The following CCDC178 variants were observed in gnomAD, a reference collection of about 807,000 sequenced individuals.
CCDC178 encodes coiled-coil domain-containing protein 178.
Under a neutral mutation model 117.4 loss-of-function variants are expected in CCDC178, and 126 were observed. That is an observed-to-expected ratio of 1.07 (90% CI 0.93 to 1.24). CCDC178 has a LOEUF of 1.24. Ranked by LOEUF, CCDC178 falls within the 50% of genes most tolerant of loss-of-function variation. The probability of loss-of-function intolerance (pLI) is 0.00; values close to 1 mark genes in which losing one functional copy is unlikely to be tolerated. For synonymous variants in CCDC178, 283 were observed against 313.4 expected (o/e 0.90, Z 1.02); for missense variants, 1,030 against 986.9 (o/e 1.04, Z -0.59).
intron 20 of CCDC178, among the ~76,000 whole-genome samples, chr18:33,160,146 T>C (rs994424741): frequency 2.0e-5 from 3 of 152,132 alleles, no homozygotes; most frequent in Admixed American, 6.5e-5. Flanking sequence ...ATTGAGTTTC[T>C]GCTTCAATGA....
At chr18:32,978,995 C>T (rs2055086502) in intron 21 of CCDC178, among the ~76,000 whole-genome samples, 1 of 150,556 alleles carries the variant, frequency 6.6e-6, no homozygotes, top group African/African-American at 2.4e-5. Context: ...AGAGATCGCG[C>T]CATTCCTCTC....
At chr18:33,414,431 C>G (rs28613952) in intron 2 of CCDC178, among the ~76,000 whole-genome samples, 90,359 of 151,940 alleles carry the variant, frequency 0.59, 27,990 homozygotes, top group East Asian at 0.8. Context: ...ACAAACCTGA[C>G]AAAAACAAGA....
At chr18:33,257,915 C>T (rs1316916029) in intron 14 of CCDC178, among the ~76,000 whole-genome samples, 2 of 151,470 alleles carry the variant, frequency 1.3e-5, no homozygotes, top group African/African-American at 2.4e-5. Flanking sequence ...CTCCTCAAAT[C>T]CTCTTCATAC....
At chr18:33,072,401 A>G (rs1409389419) in intron 21 of CCDC178, among the ~76,000 whole-genome samples, 1 of 152,170 alleles carries the variant, frequency 6.6e-6, no homozygotes, top group Non-Finnish European at 1.5e-5. Context: ...TGGTCAAAAG[A>G]TATTTACAAA....
chr18:33,001,554 C>T (rs1037215265), intron 21 of CCDC178, among the ~76,000 whole-genome samples: 20 of 151,976 alleles, frequency 1.3e-4, no homozygotes, highest in Non-Finnish European at 2.1e-4. Flanking sequence ...AAAATTAAAA[C>T]ATACCACCAG....
chr18:33,227,514 G>T (rs2059316622), intron 15 of CCDC178, among the ~76,000 whole-genome samples: 1 of 145,390 alleles, frequency 6.9e-6, no homozygotes, highest in African/African-American at 2.5e-5. Flanking sequence ...ATGTCCTCCA[G>T]ATTCAAAAGA....
intron 20 of CCDC178, among the ~76,000 whole-genome samples, chr18:33,202,102 T>C (rs191594938): frequency 9.9e-5 from 15 of 152,028 alleles, no homozygotes; most frequent in Non-Finnish European, 1.8e-4. Flanking sequence ...TCCACTTAAA[T>C]AGTCTCTACT....
At chr18:33,127,742 T>C (rs761052287) in intron 20 of CCDC178, among the ~76,000 whole-genome samples, 3 of 152,072 alleles carry the variant, frequency 2.0e-5, no homozygotes, top group Non-Finnish European at 4.4e-5. Context: ...CCCTGATCAG[T>C]TGGTATTTTT....
intron 21 of CCDC178, among the ~76,000 whole-genome samples, chr18:33,043,923 T>TGCTA (rs1246768698): frequency 6.6e-6 from 1 of 151,806 alleles, no homozygotes; most frequent in Non-Finnish European, 1.5e-5. Context: ...CTAGATACTA[T>TGCTA]GCTAAAGAAG....
chr18:33,159,026 AT>A (rs2058433110), intron 20 of CCDC178, among the ~76,000 whole-genome samples: 1 of 152,114 alleles, frequency 6.6e-6, no homozygotes, highest in African/African-American at 2.4e-5. Flanking sequence ...AATACTATGC[AT>A]AATAGAACTC....
At chr18:33,189,344 C>A (rs1479252487) in intron 20 of CCDC178, among the ~76,000 whole-genome samples, 2 of 152,050 alleles carry the variant, frequency 1.3e-5, no homozygotes, top group Admixed American at 6.6e-5. Flanking sequence ...GAACGATGAC[C>A]AGTTGCAGAA....
intron 20 of CCDC178, among the ~76,000 whole-genome samples, chr18:33,106,535 G>A (rs889554743): frequency 4.6e-5 from 7 of 151,618 alleles, no homozygotes; most frequent in African/African-American, 1.7e-4. Flanking sequence ...AACACTTATG[G>A]ACACTATCTG....
chr18:33,232,320 A>G (rs754577846), intron 15 of CCDC178, among the ~76,000 whole-genome samples: 2 of 152,184 alleles, frequency 1.3e-5, no homozygotes, highest in Non-Finnish European at 2.9e-5. Flanking sequence ...ACCCACATTC[A>G]AAGAGAAAAA....
At chr18:33,064,365 T>C (rs1454953916) in intron 21 of CCDC178, among the ~76,000 whole-genome samples, 1 of 152,028 alleles carries the variant, frequency 6.6e-6, no homozygotes, top group African/African-American at 2.4e-5. Flanking sequence ...AAGAACCAAG[T>C]AGAAAATTTA....
intron 19 of CCDC178, among the ~76,000 whole-genome samples, 154 bp from the exon 20 acceptor site, chr18:33,212,209 A>G (rs898050610): frequency 1.3e-5 from 2 of 152,018 alleles, no homozygotes; most frequent in African/African-American, 4.8e-5. Context: ...CTCAAGGTCT[A>G]CTTCCATAGG....
At chr18:33,062,325 T>G (rs945752010) in intron 21 of CCDC178, among the ~76,000 whole-genome samples, 1 of 152,146 alleles carries the variant, frequency 6.6e-6, no homozygotes, top group South Asian at 2.1e-4. Context: ...AGAAAAAAAT[T>G]GGTTAAACTT....
chr18:33,316,316 C>T (rs556593642), intron 11 of CCDC178, among the ~76,000 whole-genome samples: 29 of 152,302 alleles, frequency 1.9e-4, no homozygotes, highest in Admixed American at 6.5e-4. Flanking sequence ...GCCCCACACT[C>T]GAAGCGGCCG....
At chr18:33,033,864 G>T (rs549769621) in intron 21 of CCDC178, among the ~76,000 whole-genome samples, 1 of 151,606 alleles carries the variant, frequency 6.6e-6, no homozygotes, top group South Asian at 2.1e-4. Flanking sequence ...CTTTCAGATT[G>T]ATATCTAATC....
At chr18:33,303,562 G>A (rs1447808153) in intron 11 of CCDC178, among the ~76,000 whole-genome samples, 2 of 151,974 alleles carry the variant, frequency 1.3e-5, no homozygotes, top group Non-Finnish European at 1.5e-5. Flanking sequence ...GGGATGTTTG[G>A]TATGGGATGC....
Sources: gnomAD v4.1 joint callset for allele counts (sites outside exome capture counted in the v4.1 genomes callset) on GRCh38, gnomAD v4.1.1 for gene constraint, MANE v1.5 for transcripts, NCBI Gene and HGNC (gene_info 2026-07-23, HGNC 2026-07-21) for gene names.